The following RBFOX3 variants were observed in gnomAD, a reference collection of about 807,000 sequenced individuals.
RBFOX3 encodes RNA binding protein fox-1 homolog 3.
RBFOX3 carries 17 observed loss-of-function variants against 48.7 expected under a neutral mutation model. The ratio of observed to expected loss-of-function variants is 0.35; its 90% CI spans 0.24 to 0.52. The LOEUF (loss-of-function observed/expected upper bound fraction) is 0.52. Among genes scored for constraint, RBFOX3 ranks in the 20% least tolerant of loss-of-function variants. The probability of loss-of-function intolerance (pLI) is 0.94; values close to 1 mark genes in which losing one functional copy is unlikely to be tolerated. For synonymous variants in RBFOX3, 212 were observed against 209.5 expected (o/e 1.01, Z -0.10); for missense variants, 382 against 497.5 (o/e 0.77, Z 2.21).
At chr17:79,412,586 G>A (rs548216805) in intron 2 of RBFOX3, among the ~76,000 whole-genome samples, 11 of 151,412 alleles carry the variant, frequency 7.3e-5, no homozygotes, top group Admixed American at 1.3e-4. Flanking sequence ...GTGTATGCAC[G>A]TGTGTATATA....
intron 4 of RBFOX3, among the ~76,000 whole-genome samples, chr17:79,174,095 G>A (rs1446210275): frequency 1.3e-5 from 2 of 152,074 alleles, no homozygotes; most frequent in Non-Finnish European, 2.9e-5. Flanking sequence ...AGTCCCAAAT[G>A]GGGAGAACAG....
chr17:79,468,391 TGATG>T (rs1227178468), intron 2 of RBFOX3, among the ~76,000 whole-genome samples: 1 of 151,670 alleles, frequency 6.6e-6, no homozygotes, highest in Non-Finnish European at 1.5e-5. Context: ...CATAGACAGA[TGATG>T]GATGGATGGA....
intron 1 of RBFOX3, among the ~76,000 whole-genome samples, chr17:79,606,005 T>A (rs939782936): frequency 6.6e-6 from 1 of 152,228 alleles, no homozygotes; most frequent in Admixed American, 6.5e-5. Flanking sequence ...TCCCTTGTTC[T>A]TCTGCCCCCT....
chr17:79,158,913 G>A (rs1363271034), intron 4 of RBFOX3, among the ~76,000 whole-genome samples: 3 of 152,176 alleles, frequency 2.0e-5, no homozygotes, highest in African/African-American at 7.2e-5. Context: ...CGGCTTCCAG[G>A]GGTGCAAAGG....
chr17:79,548,897 C>T (rs1430711960), intron 1 of RBFOX3, among the ~76,000 whole-genome samples: 1 of 152,248 alleles, frequency 6.6e-6, no homozygotes, highest in Admixed American at 6.5e-5. Context: ...CAAGTGCCAT[C>T]ACTCCCTCGC....
At chr17:79,280,935 A>G (rs963597355) in intron 3 of RBFOX3, among the ~76,000 whole-genome samples, 14 of 152,056 alleles carry the variant, frequency 9.2e-5, no homozygotes, top group Admixed American at 3.9e-4. Flanking sequence ...AGAACCTCCC[A>G]TCAATCAGGA....
intron 4 of RBFOX3, among the ~76,000 whole-genome samples, chr17:79,194,782 A>C (rs886083069): frequency 8.0e-6 from 1 of 125,306 alleles, no homozygotes; most frequent in African/African-American, 3.3e-5. Flanking sequence ...GTGTGTGTGA[A>C]ATGCACATGG....
At chr17:79,289,242 C>T (rs2072733608) in intron 3 of RBFOX3, among the ~76,000 whole-genome samples, 1 of 152,220 alleles carries the variant, frequency 6.6e-6, no homozygotes, top group Non-Finnish European at 1.5e-5. Flanking sequence ...GTGGCAAGAG[C>T]CATCTGGAGC....
Position 79,103,333 on chromosome 17 carries a change from A to T in RBFOX3, c.415-79T>A. 1 of 806,124 alleles carries T rather than the reference A, an allele frequency of 1.2e-6. No individual in the cohort carries two copies. Among genetic ancestry groups the T allele is most frequent in the Non-Finnish European group, 2.1e-6 (1 of 486,676 alleles). 49.9% of individuals were successfully genotyped at this position (806,124 alleles called of 1,614,324 possible). A position where few individuals can be genotyped will look rare whatever the true frequency, so the allele number is the denominator to read the frequency against. ...AAAGAGGAGGAAGACGAGGAAGAAG[A>T]GGAGTGGGAGGGGGGCAGGGGAGTG... On this transcript the variant is annotated intron_variant, in intron 7 of 14. Transcript: ENST00000693108. This position sits in a 1 kb window ranked among gnomAD's most constrained non-coding sequence, Gnocchi z 6.1.
intron 2 of RBFOX3, among the ~76,000 whole-genome samples, chr17:79,342,975 A>C (rs1490009885): frequency 2.0e-5 from 3 of 147,018 alleles, no homozygotes; most frequent in African/African-American, 5.0e-5. Flanking sequence ...AGAAAGAGAA[A>C]GAGCGAGAGA....
At chr17:79,107,436 ACTT>A (rs2077594031) in intron 5 of RBFOX3, among the ~76,000 whole-genome samples, 1 of 152,134 alleles carries the variant, frequency 6.6e-6, no homozygotes, top group East Asian at 1.9e-4. Flanking sequence ...GCTCCCAAAG[ACTT>A]GGGTCTCAGG....
intron 4 of RBFOX3, among the ~76,000 whole-genome samples, chr17:79,176,563 G>A (rs553618425): frequency 2.0e-5 from 3 of 152,246 alleles, no homozygotes; most frequent in African/African-American, 7.2e-5. Flanking sequence ...ACAAGAAGTC[G>A]GAGTCAGTCC....
chr17:79,330,428 A>T (rs1246614221), intron 2 of RBFOX3, among the ~76,000 whole-genome samples: 1 of 149,220 alleles, frequency 6.7e-6, no homozygotes, highest in Non-Finnish European at 1.5e-5. Context: ...AATCCCCTCC[A>T]CCGAGCACAA....
intron 1 of RBFOX3, among the ~76,000 whole-genome samples, chr17:79,530,605 C>T (rs1257228259): frequency 2.0e-5 from 3 of 152,108 alleles, no homozygotes; most frequent in Non-Finnish European, 2.9e-5. Flanking sequence ...GGAGGATGGC[C>T]GCCCCAGCAG....
At chr17:79,384,722 C>T (rs777131644) in intron 2 of RBFOX3, among the ~76,000 whole-genome samples, 43 of 152,334 alleles carry the variant, frequency 2.8e-4, no homozygotes, top group Non-Finnish European at 5.4e-4. Flanking sequence ...CATACACCAG[C>T]GCTGACCCAG....
chr17:79,330,433 G>A (rs569115124), intron 2 of RBFOX3, among the ~76,000 whole-genome samples: 89 of 144,660 alleles, frequency 6.2e-4, no homozygotes, highest in African/African-American at 2.2e-3. Context: ...CCTCCACCGA[G>A]CACAACGATG....
Position 79,361,674 on chromosome 17 carries a change from C to T in RBFOX3, c.-174-53850G>A, listed in dbSNP as rs1292989552. 6.6e-6 allele frequency among the ~76,000 whole-genome samples: 1 copy of T among 152,246 alleles called. No homozygotes were observed. Among genetic ancestry groups the T allele is most frequent in the Non-Finnish European group, 1.5e-5 (1 of 68,048 alleles). Reference sequence around the variant, plus strand: ...TTCACTCTGCCCTCAAACAGCATTTCACTCCATCATTCATTTCTTGGTCTT... The same window carrying T: ...TTCACTCTGCCCTCAAACAGCATTTTACTCCATCATTCATTTCTTGGTCTT... On this transcript the variant is annotated intron_variant, in intron 2 of 14. Coordinates refer to ENST00000693108, the MANE Select transcript of RBFOX3 (RefSeq NM_001350451.2). This position sits in a 1 kb window ranked among gnomAD's most constrained non-coding sequence, Gnocchi z 4.5.
chr17:79,198,846 C>T lies in RBFOX3; in HGVS notation c.-34+36920G>A, dbSNP rs2056239614. 6.6e-6 allele frequency among the ~76,000 whole-genome samples: 1 copy of T among 152,150 alleles called. No homozygotes were observed. Among genetic ancestry groups the T allele is most frequent in the East Asian group, 1.9e-4 (1 of 5,190 alleles). On this transcript the variant is annotated intron_variant, in intron 4 of 14. Coordinates refer to ENST00000693108, the MANE Select transcript of RBFOX3 (RefSeq NM_001350451.2). This position sits in a 1 kb window ranked among gnomAD's most constrained non-coding sequence, Gnocchi z 8.2. ...GTTTCATCATGTTGGCCAGGCTAAT[C>T]TCGAACTCCTGACCTCAGGTGATCC... is the stretch of plus-strand genomic sequence containing the variant.
At chr17:79,521,293 C>T (rs1481641357) in intron 1 of RBFOX3, among the ~76,000 whole-genome samples, 1 of 150,838 alleles carries the variant, frequency 6.6e-6, no homozygotes, top group Non-Finnish European at 1.5e-5. Context: ...CACAGACACA[C>T]TCACAGATAC....
Sources: gnomAD v4.1 joint callset for allele counts (sites outside exome capture counted in the v4.1 genomes callset) on GRCh38, gnomAD v4.1.1 for gene constraint, Gnocchi (gnomAD v3.1) non-coding constraint, MANE v1.5 for transcripts, NCBI Gene and HGNC (gene_info 2026-07-23, HGNC 2026-07-21) for gene names.